IL17D: variants seen among roughly 807,000 people sequenced by gnomAD.
IL17D encodes the protein interleukin-17D.
IL17D carries 10 observed loss-of-function variants against 5.7 expected under a neutral mutation model. That is an observed-to-expected ratio of 1.75 (90% confidence interval 1.08 to 2.97). The LOEUF (loss-of-function observed/expected upper bound fraction) is 2.97. Ranked by LOEUF, IL17D falls within the 30% of genes most tolerant of loss-of-function variation. The pLI is 0.00. For synonymous variants in IL17D, 172 were observed against 141.7 expected (o/e 1.21, Z -1.52); for missense variants, 354 against 292.7 (o/e 1.21, Z -1.53).
intron 1 of IL17D, among the ~76,000 whole-genome samples, chr13:20,709,548 A>T (rs184311501): frequency 5.8e-4 from 88 of 152,310 alleles, no homozygotes; most frequent in African/African-American, 2.0e-3. Flanking sequence ...AAAAGGGAAA[A>T]TATGACGTAA....
At position 20,721,684 on chromosome 13, in the gene IL17D, C is replaced by T. The variant is rs140161062; in HGVS notation, c.339C>T (p.Tyr113=). The change falls in exon 2 of 2, where the codon TAC becomes TAT. Residue 113 remains tyrosine, a synonymous_variant. Coordinates refer to ENST00000682841, the MANE Select transcript of IL17D (RefSeq NM_001385224.1). The part of the protein sequence containing the change: ...ARYPRYLPEA[Y]CLCRGCLTGL... ...ACCCCAGGTACCTGCCTGAAGCCTA[C>T]TGCCTGTGCCGGGGCTGCCTGACCG... The T allele has an allele frequency of 7.0e-5, 113 of 1,610,784 alleles. No homozygotes were observed. In the African/African-American group the frequency reaches 1.5e-3, roughly 21 times the overall value.
chr13:20,712,832 G>A (rs978543223), intron 1 of IL17D: 1 of 152,184 alleles, frequency 6.6e-6, no homozygotes, highest in African/African-American at 2.4e-5. Flanking sequence ...TGGCTGCCCG[G>A]GCCGGCCCAC....
At chr13:20,720,874 A>ACC (rs67735251) in intron 1 of IL17D, among the ~76,000 whole-genome samples, 54 of 75,720 alleles carry the variant, frequency 7.1e-4, no homozygotes, top group African/African-American at 1.5e-3. Context: ...CTCCCTCCCA[A>ACC]CCCCCCCCCC....
At position 20,721,945 on chromosome 13, in the gene IL17D, T is replaced by C. The variant is rs1251716100; in HGVS notation, c.600T>C (p.Ala200=). The change falls in exon 2 of 2, where the codon GCT becomes GCC. Residue 200 remains alanine, a synonymous_variant. Coordinates refer to ENST00000682841, the MANE Select transcript of IL17D (RefSeq NM_001385224.1). ...TGCTGGGCCCCAACGACGCGCCCGC[T>C]GGCCCCTGAGGCCGGTCCTGCCCCG... is the stretch of plus-strand genomic sequence containing the variant. ...KLLLGPNDAP[A]GP is the part of the protein sequence containing the mutation. 1 of 1,594,830 alleles carries C rather than the reference T, an allele frequency of 6.3e-7. No homozygotes were observed. Among genetic ancestry groups the C allele is most frequent in the Non-Finnish European group, 8.5e-7 (1 of 1,174,348 alleles).
chr13:20,719,722 A>T (rs1458833411), intron 1 of IL17D, among the ~76,000 whole-genome samples: 1 of 152,204 alleles, frequency 6.6e-6, no homozygotes, highest in Non-Finnish European at 1.5e-5. Context: ...TCTGCCCCGC[A>T]GGCCTTCTTT....
rs1229678718 is a variant in IL17D, at chr13:20,721,717, C to T, written c.372C>T (p.Phe124=). ...CLCRGCLTGL[F]GEEDVRFRSA... Reference sequence around the variant, plus strand: ...GCCGGGGCTGCCTGACCGGGCTGTTCGGCGAGGAGGACGTGCGCTTCCGCA... The same window carrying T: ...GCCGGGGCTGCCTGACCGGGCTGTTTGGCGAGGAGGACGTGCGCTTCCGCA... Residue 124 remains phenylalanine, a synonymous_variant, in exon 2 of 2, where the codon TTC becomes TTT. Transcript: ENST00000682841. 1 of 1,611,236 alleles carries T rather than the reference C, an allele frequency of 6.2e-7. No homozygotes were observed. The highest frequency in any genetic ancestry group is 8.5e-7 in the Non-Finnish European group (1 of 1,179,420).
chr13:20,712,296 T>A (rs1285270929), intron 1 of IL17D: 1 of 152,318 alleles, frequency 6.6e-6, no homozygotes, highest in Non-Finnish European at 1.5e-5. Flanking sequence ...ATCCTTCTTG[T>A]TAAGACACCA....
intron 1 of IL17D, among the ~76,000 whole-genome samples, chr13:20,719,122 C>G (rs939560457): frequency 6.6e-6 from 1 of 150,732 alleles, no homozygotes; most frequent in Non-Finnish European, 1.5e-5. Flanking sequence ...CACACCTGCC[C>G]ACACTCATCC....
At chr13:20,713,861 C>T (rs552163369) in intron 1 of IL17D, 22 of 152,434 alleles carry the variant, frequency 1.4e-4, no homozygotes, top group East Asian at 5.8e-4. Flanking sequence ...GAAACTCTTC[C>T]GGAATTAAAG....
At chr13:20,718,702 TCA>T (rs1339696211) in intron 1 of IL17D, among the ~76,000 whole-genome samples, 5 of 67,324 alleles carry the variant, frequency 7.4e-5, no homozygotes, top group Admixed American at 1.9e-4. Context: ...ACGCCCACGC[TCA>T]CACACACCTG....
At chr13:20,714,443 A>G (rs944625427) in intron 1 of IL17D, among the ~76,000 whole-genome samples, 1 of 152,212 alleles carries the variant, frequency 6.6e-6, no homozygotes, top group Non-Finnish European at 1.5e-5. Flanking sequence ...CTAACCCAGG[A>G]GAGCTGGAAG....
chr13:20,714,910 G>T (rs2058666760), intron 1 of IL17D, among the ~76,000 whole-genome samples: 1 of 152,186 alleles, frequency 6.6e-6, no homozygotes, highest in Non-Finnish European at 1.5e-5. Flanking sequence ...CTTGGCAACA[G>T]GGAAGCTGTT....
chr13:20,710,602 C>A (rs1447635040), intron 1 of IL17D, among the ~76,000 whole-genome samples: 1 of 128,776 alleles, frequency 7.8e-6, no homozygotes, highest in Non-Finnish European at 1.6e-5. Flanking sequence ...GCACTCCAGC[C>A]TGGGCAACAA....
At position 20,703,952 on chromosome 13, in the gene IL17D, G is replaced by A; in HGVS notation, c.-50G>A. 1 of 970,668 alleles carries A rather than the reference G, an allele frequency of 1.0e-6. No homozygotes were observed. The highest frequency in any genetic ancestry group is 4.7e-5 in the South Asian group (1 of 21,124). 60.1% of individuals were successfully genotyped at this position (970,668 alleles called of 1,614,324 possible). On this transcript the variant is annotated 5_prime_UTR_variant, in exon 1 of 2. Transcript: ENST00000682841. ...GGACACGGGCGCGGGGCGCAGGCGG[G>A]CTCCTCCGGCGCGTGCGGACGCTGA...
In IL17D at chr13:20,721,985, C is replaced by T. The variant is rs2058740850; in HGVS notation, c.*31C>T. 2 of 1,521,078 alleles carry T rather than the reference C, an allele frequency of 1.3e-6. No homozygotes were observed. Among genetic ancestry groups the T allele is most frequent in the East Asian group, 2.3e-5 (1 of 43,082 alleles). 94.2% of individuals were successfully genotyped at this position (1,521,078 alleles called of 1,614,324 possible). On this transcript the variant is annotated 3_prime_UTR_variant, in exon 2 of 2. Coordinates refer to ENST00000682841, the MANE Select transcript of IL17D (RefSeq NM_001385224.1). ...GTCCTGCCCCGGGAGGTCTCCCCGG[C>T]CCGCATCCCGAGGCGCCCAAGCTGG...
chr13:20,706,352 A>G (rs2058592352), intron 1 of IL17D, among the ~76,000 whole-genome samples: 1 of 152,268 alleles, frequency 6.6e-6, no homozygotes, highest in African/African-American at 2.4e-5. Flanking sequence ...AAGCCACATA[A>G]GGAATCTCTC....
intron 1 of IL17D, among the ~76,000 whole-genome samples, chr13:20,706,960 C>G (rs2058595711): frequency 6.6e-6 from 1 of 152,172 alleles, no homozygotes; most frequent in Non-Finnish European, 1.5e-5. Flanking sequence ...TATTTAGCAA[C>G]AGTGATGAGA....
At chr13:20,711,877 A>G (rs1416060465) in intron 1 of IL17D, among the ~76,000 whole-genome samples, 1 of 152,278 alleles carries the variant, frequency 6.6e-6, no homozygotes, top group Non-Finnish European at 1.5e-5. Flanking sequence ...GCAGCTAGTC[A>G]GATAAAATGC....
intron 1 of IL17D, among the ~76,000 whole-genome samples, chr13:20,704,732 AC>A (rs780731559): frequency 1.3e-5 from 2 of 151,032 alleles, no homozygotes; most frequent in African/African-American, 4.9e-5. Context: ...CTAGCTGGGG[AC>A]CCTTCCGTGA....
Sources: gnomAD v4.1 joint callset for allele counts (sites outside exome capture counted in the v4.1 genomes callset) on GRCh38, gnomAD v4.1.1 for gene constraint, MANE v1.5 for transcripts, NCBI Gene and HGNC (gene_info 2026-07-23, HGNC 2026-07-21) for gene names.